RANBP17: variants seen among roughly 807,000 people sequenced by gnomAD.
The protein encoded by RANBP17 is RAN binding protein 17, also known as ran-binding protein 17.
RANBP17 carries 158 observed loss-of-function variants against 141.2 expected under a neutral mutation model. The observed-to-expected ratio is 1.12, with a 90% CI of 0.98 to 1.28. RANBP17 has a LOEUF of 1.28. Ranked by LOEUF, RANBP17 falls within the 50% of genes most tolerant of loss-of-function variation. The pLI is 0.00. For missense variants in RANBP17, 1,438 were observed against 1,290.7 expected, an observed-to-expected ratio of 1.11 and a Z score of -1.75; for synonymous variants, 430 against 450.0, an observed-to-expected ratio of 0.96 and a Z score of 0.56.
At chr5:171,058,052 T>A (rs1343904317) in intron 14 of RANBP17, among the ~76,000 whole-genome samples, 1 of 152,120 alleles carries the variant, frequency 6.6e-6, no homozygotes, top group Non-Finnish European at 1.5e-5. Flanking sequence ...ATGTAGCTGG[T>A]TAGATATTGA....
At chr5:170,983,226 C>G (rs1418268232) in intron 14 of RANBP17, 1 of 356,634 alleles carries the variant, frequency 2.8e-6, no homozygotes, top group African/African-American at 2.1e-5. Flanking sequence ...GCAACCAGTT[C>G]AAACTGGAGC....
chr5:170,956,995 C>T (rs192460696), intron 13 of RANBP17, among the ~76,000 whole-genome samples: 410 of 151,244 alleles, frequency 2.7e-3, no homozygotes, highest in Non-Finnish European at 4.0e-3. Flanking sequence ...GCGTGAACCC[C>T]GGAGGCAGAG....
intron 14 of RANBP17, among the ~76,000 whole-genome samples, chr5:171,081,194 C>G (rs189561313): frequency 1.6e-4 from 25 of 152,200 alleles, no homozygotes; most frequent in Admixed American, 1.6e-3. Context: ...TGTTCTTGCC[C>G]TTGGTTCTAT....
Position 170,965,245 on chromosome 5 carries a change from G to GT in RANBP17, c.1575-2986dup, listed in dbSNP as rs202116295. ...CTTTTGCCCACTTTTTGATGGGGTT[G>GT]TTTTTTTTTTTCTTGTAAATTTGTT... On this transcript the variant is annotated intron_variant, in intron 13 of 27. Transcript: ENST00000523189. Among the ~76,000 whole-genome samples the GT allele has an allele frequency of 5.2e-3, 770 of 147,542 alleles. 7 individuals carry two copies. The highest frequency in any genetic ancestry group is 8.8e-3 in the Non-Finnish European group (590 of 66,750).
At chr5:170,996,853 A>T (rs1044037305) in intron 14 of RANBP17, among the ~76,000 whole-genome samples, 8 of 151,988 alleles carry the variant, frequency 5.3e-5, no homozygotes, top group Non-Finnish European at 1.0e-4. Flanking sequence ...AAGGGGGGGA[A>T]CCCAATTACA....
rs1349353778 is a variant in RANBP17, at chr5:171,277,651, ATATATATATATATATATT to A, written c.2943+11808_2943+11825del. Among the ~76,000 whole-genome samples, 57 of 129,380 alleles carry A rather than the reference ATATATATATATATATATT, an allele frequency of 4.4e-4. 3 individuals carry two copies. Among genetic ancestry groups the A allele is most frequent in the African/African-American group, 1.6e-3 (56 of 35,116 alleles). 84.9% of individuals were successfully genotyped at this position (129,380 alleles called of 152,430 possible). ...CATATATGTATGTATATATATATAT[ATATATATATATATATATT>A]TATGTCTTACAGCTCTGTGAGGTAG... is the stretch of plus-strand genomic sequence containing the variant. On this transcript the variant is annotated intron_variant, in intron 25 of 27. Transcript: ENST00000523189.
intron 14 of RANBP17, among the ~76,000 whole-genome samples, chr5:171,001,226 G>A (rs886290301): frequency 1.1e-4 from 16 of 152,062 alleles, no homozygotes; most frequent in African/African-American, 3.6e-4. Flanking sequence ...GGGGTAAGGG[G>A]TGATATTGTG....
At chr5:170,979,872 A>G (rs1480819172) in intron 14 of RANBP17, among the ~76,000 whole-genome samples, 3 of 152,234 alleles carry the variant, frequency 2.0e-5, no homozygotes, top group African/African-American at 4.8e-5. Context: ...ATGTGGAAGC[A>G]ACTTTGGAAC....
intron 14 of RANBP17, among the ~76,000 whole-genome samples, chr5:171,073,923 T>G (rs915900493): frequency 6.6e-6 from 1 of 151,882 alleles, no homozygotes; most frequent in Admixed American, 6.6e-5. Flanking sequence ...CAATCCATAC[T>G]GATATAAACA....
At chr5:171,087,175 A>G (rs1250973772) in intron 14 of RANBP17, among the ~76,000 whole-genome samples, 3 of 148,280 alleles carry the variant, frequency 2.0e-5, no homozygotes, top group Non-Finnish European at 4.5e-5. Flanking sequence ...CTTTGTTCTC[A>G]TTGGTTTCAA....
chr5:170,968,639 A>T, intron 14 of RANBP17: 1 of 525,266 alleles, frequency 1.9e-6, no homozygotes, highest in African/African-American at 1.9e-5. Flanking sequence ...TATTTTAAAC[A>T]CTAATCAATT....
intron 12 of RANBP17, among the ~76,000 whole-genome samples, chr5:170,952,892 C>T (rs184739901): frequency 3.3e-5 from 5 of 151,982 alleles, no homozygotes; most frequent in East Asian, 1.9e-4. Flanking sequence ...GAATAAATAC[C>T]TCCATTTCTA....
chr5:171,149,674 G>C (rs765379719), intron 14 of RANBP17, among the ~76,000 whole-genome samples: 2 of 152,142 alleles, frequency 1.3e-5, no homozygotes, highest in African/African-American at 2.4e-5. Context: ...TTTACACTTT[G>C]AATTAGTTTG....
intron 22 of RANBP17, among the ~76,000 whole-genome samples, chr5:171,240,623 A>G (rs887474036): frequency 1.3e-5 from 2 of 150,390 alleles, no homozygotes; most frequent in African/African-American, 4.8e-5. Flanking sequence ...TAAAATGAAT[A>G]GTCTTAAGAG....
At chr5:171,030,858 A>G (rs1393512206) in intron 14 of RANBP17, among the ~76,000 whole-genome samples, 1 of 152,008 alleles carries the variant, frequency 6.6e-6, no homozygotes, top group Non-Finnish European at 1.5e-5. Context: ...AGCAGACTAC[A>G]AAGGATGCTT....
chr5:171,237,618 C>G (rs536234370), intron 22 of RANBP17, among the ~76,000 whole-genome samples: 11 of 152,250 alleles, frequency 7.2e-5, no homozygotes, highest in African/African-American at 2.6e-4. Context: ...CCTTTTAGTT[C>G]TAGCCTTTGA....
At chr5:171,235,149 A>G (rs1016246142) in intron 22 of RANBP17, among the ~76,000 whole-genome samples, 2 of 152,198 alleles carry the variant, frequency 1.3e-5, no homozygotes, top group African/African-American at 4.8e-5. Context: ...ATCAAGTAAG[A>G]TGAAGGCTAA....
At chr5:171,124,793 G>A (rs1756306149) in intron 14 of RANBP17, among the ~76,000 whole-genome samples, 2 of 151,888 alleles carry the variant, frequency 1.3e-5, no homozygotes, top group South Asian at 4.1e-4. Flanking sequence ...CAACAAAAGA[G>A]GAAGACCAGA....
At chr5:170,941,750 C>T (rs111492843) in intron 12 of RANBP17, among the ~76,000 whole-genome samples, 2,026 of 152,210 alleles carry the variant, frequency 0.013, 48 homozygotes, top group African/African-American at 0.043. Context: ...GGGAATAAAT[C>T]ATAAGAAATC....
Sources: allele counts gnomAD v4.1 joint callset (sites outside exome capture counted in the v4.1 genomes callset), GRCh38; gene constraint gnomAD v4.1.1; transcripts MANE v1.5; gene names NCBI Gene and HGNC (gene_info 2026-07-23, HGNC 2026-07-21).